The following STPG2 variants were observed in gnomAD, a reference collection of about 807,000 sequenced individuals.
STPG2 encodes sperm tail PG-rich repeat containing 2.
A neutral mutation model predicts 54.2 loss-of-function variants in STPG2; 56 were observed. The observed-to-expected ratio is 1.03, with a 90% CI of 0.83 to 1.29. The LOEUF is 1.29. Ranked by LOEUF, STPG2 falls within the 50% of genes most tolerant of loss-of-function variation. The pLI, the probability that STPG2 is intolerant of heterozygous loss-of-function variation, is 0.00. For synonymous variants in STPG2, 200 were observed against 181.8 expected (o/e 1.10, Z -0.81); for missense variants, 596 against 544.9 (o/e 1.09, Z -0.93).
chr4:98,098,473 A>G (rs1560677982), intron 5 of STPG2, among the ~76,000 whole-genome samples: 1 of 152,220 alleles, frequency 6.6e-6, no homozygotes, highest in Non-Finnish European at 1.5e-5. Context: ...AAATCAAATC[A>G]AAATGGATTG....
intron 8 of STPG2, among the ~76,000 whole-genome samples, chr4:97,851,155 T>A (rs1310438086): frequency 6.6e-6 from 1 of 152,174 alleles, no homozygotes; most frequent in Non-Finnish European, 1.5e-5. Context: ...ATTAAACAAG[T>A]CTCTAATGAC....
intron 4 of STPG2, 96 bp downstream of exon 4, chr4:98,109,097 A>C: frequency 1.5e-6 from 1 of 654,154 alleles, no homozygotes; most frequent in Non-Finnish European, 2.4e-6. Context: ...TTTCATACTA[A>C]TTTTTCCTTT....
chr4:97,712,797 G>A lies in STPG2; in HGVS notation c.1222C>T (p.Pro408Ser). 2 of 1,605,422 alleles carry A rather than the reference G, an allele frequency of 1.2e-6. 1 individual carries two copies. Among genetic ancestry groups the A allele is most frequent in the South Asian group, 2.2e-5 (2 of 89,640 alleles). ...ATGGGGCAAGATTTCCTTAAAACAG[G>A]ATTGTATGCTGCAGGACCTGAGAGA... is the stretch of plus-strand genomic sequence containing the variant. Reference protein sequence around the residue: ...TDGPGPAAYNPVLRKSCPIPL... With the variant: ...TDGPGPAAYNSVLRKSCPIPL... The change falls in exon 10 of 11, where the codon CCT (proline) becomes TCT (serine). Residue 408 changes from proline (P) to serine (S), a missense_variant. Pro to Ser is a moderately conservative substitution (Grantham distance 74, BLOSUM62 -1). Transcript: ENST00000295268.
chr4:97,458,968 A>G (rs1241087785), intron 4 of STPG2, among the ~76,000 whole-genome samples: 1 of 152,184 alleles, frequency 6.6e-6, no homozygotes, highest in Non-Finnish European at 1.5e-5. Flanking sequence ...TATAGATAAT[A>G]ATATGTAACA....
intron 7 of STPG2, among the ~76,000 whole-genome samples, chr4:97,945,116 T>C (rs377156290): frequency 2.6e-5 from 4 of 152,132 alleles, no homozygotes; most frequent in East Asian, 1.9e-4. Context: ...CATGGATGTA[T>C]AGTACAGTGG....
At chr4:97,817,405 C>T (rs1029318930) in intron 9 of STPG2, among the ~76,000 whole-genome samples, 3 of 151,832 alleles carry the variant, frequency 2.0e-5, no homozygotes, top group Non-Finnish European at 4.4e-5. Context: ...TTTTAAATGT[C>T]ACGATAAAAT....
intron 8 of STPG2, among the ~76,000 whole-genome samples, chr4:97,862,629 T>C (rs1729598996): frequency 6.6e-6 from 1 of 152,086 alleles, no homozygotes; most frequent in East Asian, 1.9e-4. Flanking sequence ...CCACCCCAAA[T>C]CAAAAGAATA....
At chr4:97,773,994 G>GGTGTATGT (rs1553912280) in intron 9 of STPG2, among the ~76,000 whole-genome samples, 1 of 147,252 alleles carries the variant, frequency 6.8e-6, no homozygotes, top group Non-Finnish European at 1.5e-5. Flanking sequence ...TAAAATATAG[G>GGTGTATGT]GTGTGTGTGT....
chr4:97,503,424 T>C (rs1730768771), intron 4 of STPG2, among the ~76,000 whole-genome samples: 1 of 151,890 alleles, frequency 6.6e-6, no homozygotes, highest in African/African-American at 2.4e-5. Context: ...AAAAAGAAAA[T>C]ATATTTAATA....
chr4:97,694,054 A>G (rs1169357114), intron 10 of STPG2, among the ~76,000 whole-genome samples: 1 of 152,158 alleles, frequency 6.6e-6, no homozygotes, highest in Non-Finnish European at 1.5e-5. Context: ...CACCTACATC[A>G]AAAAGTCTTA....
At chr4:97,723,233 T>G (rs1389717578) in intron 9 of STPG2, among the ~76,000 whole-genome samples, 1 of 152,112 alleles carries the variant, frequency 6.6e-6, no homozygotes, top group African/African-American at 2.4e-5. Flanking sequence ...CTTAGATTTT[T>G]TTTTTATAGT....
rs897822385 is a variant in STPG2, at chr4:97,577,961, T to A, written c.1321-18844A>T. On this transcript the variant is annotated intron_variant, in intron 10 of 10. Coordinates refer to ENST00000295268, the MANE Select transcript of STPG2 (RefSeq NM_174952.3). ...AGGTCCTCAAAAAATAAAGTTATTA[T>A]CTTTGCAGACATATATCCATTTTCA... is the stretch of plus-strand genomic sequence containing the variant. Among the ~76,000 whole-genome samples the A allele has an allele frequency of 6.6e-5, 10 of 152,142 alleles. No homozygotes were observed. The South Asian group carries it at 1.0e-3, about 16-fold the overall frequency.
chr4:97,560,915 G>T (rs1338401011), intron 10 of STPG2, among the ~76,000 whole-genome samples: 1 of 152,174 alleles, frequency 6.6e-6, no homozygotes, highest in East Asian at 1.9e-4. Context: ...AAACGTACAT[G>T]TGCATGTGTC....
intron 4 of STPG2, among the ~76,000 whole-genome samples, chr4:97,527,743 T>A (rs1731315212): frequency 1.3e-5 from 2 of 152,244 alleles, no homozygotes; most frequent in Admixed American, 1.3e-4. Flanking sequence ...ATTTCTCTAA[T>A]GACCAGTGAT....
chr4:97,911,773 G>A (rs1394169670), intron 8 of STPG2, among the ~76,000 whole-genome samples: 1 of 152,124 alleles, frequency 6.6e-6, no homozygotes, highest in East Asian at 1.9e-4. Flanking sequence ...GCCGGCTGTG[G>A]AGAGTCTGGG....
At chr4:97,445,491 T>A (rs1319548853) in intron 4 of STPG2, among the ~76,000 whole-genome samples, 1 of 152,234 alleles carries the variant, frequency 6.6e-6, no homozygotes, top group African/African-American at 2.4e-5. Flanking sequence ...TTTTATTTTA[T>A]CCAGTAAACC....
intron 10 of STPG2, among the ~76,000 whole-genome samples, chr4:97,620,433 T>C (rs1047573592): frequency 5.3e-5 from 8 of 152,218 alleles, no homozygotes; most frequent in Admixed American, 2.6e-4. Context: ...ACAAAGATTC[T>C]CCCTATTTAG....
chr4:97,848,880 C>T (rs893248809), intron 8 of STPG2, among the ~76,000 whole-genome samples: 1 of 150,260 alleles, frequency 6.7e-6, no homozygotes, highest in African/African-American at 2.5e-5. Context: ...GGTACCAGTA[C>T]CATGCTGTTT....
At chr4:98,132,146 C>T (rs1355669793) in intron 2 of STPG2, among the ~76,000 whole-genome samples, 1 of 151,996 alleles carries the variant, frequency 6.6e-6, no homozygotes, top group Non-Finnish European at 1.5e-5. Flanking sequence ...ACAGTACTAA[C>T]ACAGAGTTTC....
Sources: gnomAD v4.1 joint callset for allele counts (sites outside exome capture counted in the v4.1 genomes callset) on GRCh38, gnomAD v4.1.1 for gene constraint, MANE v1.5 for transcripts, NCBI Gene and HGNC (gene_info 2026-07-23, HGNC 2026-07-21) for gene names.